KCNIP4: variants seen among roughly 807,000 people sequenced by gnomAD.
KCNIP4 encodes potassium voltage-gated channel interacting protein 4, also known as Kv channel-interacting protein 4.
In KCNIP4, 12 loss-of-function variants were observed where a neutral mutation model predicts 34.0. That is an observed-to-expected ratio of 0.35 (90% CI 0.23 to 0.57). The LOEUF is 0.57. KCNIP4 is among the 20% of genes least tolerant of loss of function. The pLI, the probability that KCNIP4 is intolerant of heterozygous loss-of-function variation, is 0.83. For missense variants in KCNIP4, 238 were observed against 311.7 expected, an observed-to-expected ratio of 0.76 and a Z score of 1.78; for synonymous variants, 124 against 102.2, an observed-to-expected ratio of 1.21 and a Z score of -1.29.
At position 21,433,605 on chromosome 4, in the gene KCNIP4, C is replaced by T. The variant is rs183101178; in HGVS notation, c.61+514966G>A. On this transcript the variant is annotated intron_variant, in intron 1 of 8. Transcript: ENST00000382152. ...TACTCATTGTAGTTTGGAGTTGGTT[C>T]TCAGCATTATTGTGGCTATAGCTGA... is the stretch of plus-strand genomic sequence containing the variant. Among the ~76,000 whole-genome samples the T allele has an allele frequency of 4.9e-4, 74 of 152,296 alleles. 1 individual carries two copies. The highest frequency in any genetic ancestry group is 3.9e-3 in the East Asian group (20 of 5,180).
At chr4:21,765,360 A>C (rs145436134) in intron 1 of KCNIP4, among the ~76,000 whole-genome samples, 17 of 152,042 alleles carry the variant, frequency 1.1e-4, no homozygotes, top group African/African-American at 1.9e-4. Context: ...AATGGTACCC[A>C]CTGCTCCAGG....
chr4:20,731,873 C>T (rs1255200977), intron 8 of KCNIP4, 133 bp downstream of exon 8: 12 of 1,444,484 alleles, frequency 8.3e-6, no homozygotes, highest in Non-Finnish European at 1.1e-5. Flanking sequence ...TAGGCTTATG[C>T]TGCATGTTGT....
At chr4:21,692,827 ATTTTTTTTTTT>A (rs35231092) in intron 1 of KCNIP4, among the ~76,000 whole-genome samples, 1 of 87,252 alleles carries the variant, frequency 1.1e-5, no homozygotes, top group African/African-American at 4.5e-5. Context: ...AAATCCTGTC[ATTTTTTTTTTT>A]TTTTTTTTTT....
At chr4:21,834,285 T>G (rs1723180968) in intron 1 of KCNIP4, among the ~76,000 whole-genome samples, 1 of 152,214 alleles carries the variant, frequency 6.6e-6, no homozygotes, top group Admixed American at 6.5e-5. Flanking sequence ...TCGTCTGTAG[T>G]TCTCCTTGAA....
chr4:21,865,906 CAT>C (rs201755851), intron 1 of KCNIP4, among the ~76,000 whole-genome samples: 26 of 133,654 alleles, frequency 1.9e-4, no homozygotes, highest in Admixed American at 3.5e-4. Flanking sequence ...CATTTGCCAC[CAT>C]ATATATATAT....
At chr4:21,410,920 G>T (rs961796887) in intron 1 of KCNIP4, among the ~76,000 whole-genome samples, 3 of 152,158 alleles carry the variant, frequency 2.0e-5, no homozygotes, top group African/African-American at 7.2e-5. Context: ...TTGACAAAGG[G>T]ATTGGATGGC....
chr4:21,528,585 T>G (rs902052740), intron 1 of KCNIP4, among the ~76,000 whole-genome samples: 1 of 150,970 alleles, frequency 6.6e-6, no homozygotes, highest in Non-Finnish European at 1.5e-5. Context: ...GACAATCACT[T>G]AAACTTGGGA....
intron 1 of KCNIP4, among the ~76,000 whole-genome samples, chr4:21,653,756 A>C (rs1747693702): frequency 6.6e-6 from 1 of 152,198 alleles, no homozygotes; most frequent in South Asian, 2.1e-4. Flanking sequence ...TATTATTATA[A>C]GCACAGTAAA....
At chr4:21,083,322 AC>A (rs1324857151) in intron 1 of KCNIP4, among the ~76,000 whole-genome samples, 1 of 151,016 alleles carries the variant, frequency 6.6e-6, no homozygotes, top group Non-Finnish European at 1.5e-5. Context: ...ACTAGACTTT[AC>A]CTTTGCAATA....
At chr4:21,483,066 T>G (rs1577438309) in intron 1 of KCNIP4, among the ~76,000 whole-genome samples, 1 of 80,470 alleles carries the variant, frequency 1.2e-5, no homozygotes, top group East Asian at 4.3e-4. Flanking sequence ...CATCACACAC[T>G]GGGGCCTGTT....
intron 1 of KCNIP4, among the ~76,000 whole-genome samples, chr4:21,124,120 A>G (rs1391235318): frequency 6.6e-6 from 1 of 151,940 alleles, no homozygotes; most frequent in Non-Finnish European, 1.5e-5. Flanking sequence ...TTTTAAAAAT[A>G]TATATATTTT....
chr4:21,813,259 T>C (rs534991390), intron 1 of KCNIP4, among the ~76,000 whole-genome samples: 4 of 152,320 alleles, frequency 2.6e-5, no homozygotes, highest in Admixed American at 2.0e-4. Context: ...CAGTTTCTAT[T>C]TTCTGTCTTG....
chr4:21,444,567 A>G lies in KCNIP4; in HGVS notation c.61+504004T>C, dbSNP rs563149573. On this transcript the variant is annotated intron_variant, in intron 1 of 8. Transcript: ENST00000382152. ...AGATGCAGAAAAGGCTTTTGACAAA[A>G]TTCAACAGCACTTCATGCTAAAAAC... Among the ~76,000 whole-genome samples, 250 of 152,360 alleles carry G rather than the reference A, an allele frequency of 1.6e-3. 1 individual carries two copies. Among genetic ancestry groups the G allele is most frequent in the Non-Finnish European group, 1.2e-3 (82 of 68,036 alleles).
At chr4:20,734,449 G>C (rs1749095907) in intron 6 of KCNIP4, among the ~76,000 whole-genome samples, 179 bp downstream of exon 6, 1 of 152,098 alleles carries the variant, frequency 6.6e-6, no homozygotes, top group Non-Finnish European at 1.5e-5. Flanking sequence ...ATTTACTTTG[G>C]AGCTTCACCA....
chr4:20,806,231 T>A (rs189583127), intron 3 of KCNIP4, among the ~76,000 whole-genome samples: 180 of 152,146 alleles, frequency 1.2e-3, no homozygotes, highest in African/African-American at 4.0e-3. Context: ...TCCTTATATG[T>A]CTTCTAATTT....
chr4:21,444,504 A>C (rs1727791361), intron 1 of KCNIP4, among the ~76,000 whole-genome samples: 1 of 152,188 alleles, frequency 6.6e-6, no homozygotes, highest in Non-Finnish European at 1.5e-5. Flanking sequence ...CCAGCATATA[A>C]ACAGAACCAA....
At position 21,455,808 on chromosome 4, in the gene KCNIP4, C is replaced by CTT. The variant is rs1491104155; in HGVS notation, c.61+492762_61+492763insAA. On this transcript the variant is annotated intron_variant, in intron 1 of 8. Transcript: ENST00000382152. ...TTAATGTGATAGTCTTACAGATATT[C>CTT]ATATATATATATATATATATATATA... Among the ~76,000 whole-genome samples, 224 of 71,898 alleles carry CTT rather than the reference C, an allele frequency of 3.1e-3. 30 individuals carry two copies. The highest frequency in any genetic ancestry group is 7.6e-3 in the Middle Eastern group (1 of 132). 47.2% of individuals were successfully genotyped at this position (71,898 alleles called of 152,430 possible). A position where few individuals can be genotyped will look rare whatever the true frequency, so the allele number is the denominator to read the frequency against.
At chr4:21,095,783 T>C (rs933797761) in intron 1 of KCNIP4, among the ~76,000 whole-genome samples, 1 of 152,140 alleles carries the variant, frequency 6.6e-6, no homozygotes, top group African/African-American at 2.4e-5. Flanking sequence ...TTTCTGTCTA[T>C]GGGGAGCTCG....
chr4:21,042,680 C>T (rs1314277938), intron 1 of KCNIP4, among the ~76,000 whole-genome samples: 1 of 151,974 alleles, frequency 6.6e-6, no homozygotes, highest in Non-Finnish European at 1.5e-5. Context: ...CTAGGAGAGA[C>T]GTTTAGGAAT....
Sources: gnomAD v4.1 joint callset for allele counts (sites outside exome capture counted in the v4.1 genomes callset) on GRCh38, gnomAD v4.1.1 for gene constraint, MANE v1.5 for transcripts, NCBI Gene and HGNC (gene_info 2026-07-23, HGNC 2026-07-21) for gene names.